Variants in CLYBL observed in about 807,000 individuals in gnomAD.
CLYBL encodes citramalyl-CoA lyase.
CLYBL carries 31 observed loss-of-function variants against 38.9 expected under a neutral mutation model. The observed-to-expected ratio is 0.80, with a 90% CI of 0.60 to 1.08. CLYBL has a LOEUF of 1.08. CLYBL is among the 50% of genes least tolerant of loss of function. The probability of loss-of-function intolerance (pLI) is 0.00; values close to 1 mark genes in which losing one functional copy is unlikely to be tolerated. For missense variants in CLYBL, 434 were observed against 411.6 expected (o/e 1.05, Z -0.47); for synonymous variants, 171 against 158.6 (o/e 1.08, Z -0.59).
chr13:99,652,389 C>G (rs1472474271), intron 1 of CLYBL, among the ~76,000 whole-genome samples: 3 of 152,126 alleles, frequency 2.0e-5, no homozygotes, highest in Non-Finnish European at 2.9e-5. Context: ...GCCAAGTGTT[C>G]TGAGCAAGCA....
intron 1 of CLYBL, among the ~76,000 whole-genome samples, chr13:99,662,011 A>C (rs2047415699): frequency 1.3e-5 from 2 of 152,204 alleles, no homozygotes; most frequent in Non-Finnish European, 2.9e-5. Context: ...CCGCAGCTGA[A>C]GGGAGGAGCT....
intron 1 of CLYBL, among the ~76,000 whole-genome samples, chr13:99,613,067 A>T (rs1415594674): frequency 1.3e-5 from 2 of 150,824 alleles, no homozygotes; most frequent in Non-Finnish European, 3.0e-5. Context: ...TAATAATAAC[A>T]AAATTCCCTC....
intron 3 of CLYBL, among the ~76,000 whole-genome samples, chr13:99,860,185 A>T (rs555737137): frequency 1.3e-5 from 2 of 152,336 alleles, no homozygotes; most frequent in South Asian, 4.1e-4. Flanking sequence ...CACTGAGGGG[A>T]CAAAAAGAGA....
intron 1 of CLYBL, among the ~76,000 whole-genome samples, chr13:99,629,351 G>A (rs561383202): frequency 6.6e-6 from 1 of 152,286 alleles, no homozygotes; most frequent in East Asian, 1.9e-4. Context: ...GTACAAATGC[G>A]TCTGTTGAAA....
chr13:99,771,755 T>A (rs542619705), intron 1 of CLYBL, among the ~76,000 whole-genome samples: 1 of 152,302 alleles, frequency 6.6e-6, no homozygotes, highest in East Asian at 1.9e-4. Flanking sequence ...CAGGGGCTAC[T>A]GACAGCTAGA....
chr13:99,635,562 G>A (rs1486308958), intron 1 of CLYBL, among the ~76,000 whole-genome samples: 1 of 152,142 alleles, frequency 6.6e-6, no homozygotes, highest in South Asian at 2.1e-4. Context: ...TCTTCACATA[G>A]CAAATCATTC....
intron 1 of CLYBL, among the ~76,000 whole-genome samples, chr13:99,614,685 T>C (rs1449658099): frequency 6.6e-6 from 1 of 152,110 alleles, no homozygotes; most frequent in Non-Finnish European, 1.5e-5. Context: ...CATACCGTTA[T>C]CCTGTGGTAG....
intron 7 of CLYBL, among the ~76,000 whole-genome samples, chr13:99,875,634 C>T (rs187024722): frequency 1.3e-5 from 2 of 152,316 alleles, no homozygotes; most frequent in East Asian, 1.9e-4. Flanking sequence ...CACTCTTTCA[C>T]GCAGATCAAA....
At chr13:99,878,977 C>G (rs1594241561) in intron 7 of CLYBL, among the ~76,000 whole-genome samples, 1 of 152,172 alleles carries the variant, frequency 6.6e-6, no homozygotes, top group African/African-American at 2.4e-5. Flanking sequence ...AAGCATGGCT[C>G]TGGTCCGTGG....
rs4772244 is a variant in CLYBL, at chr13:99,770,759, A to T, written c.63-2065A>T. 1.3e-4 allele frequency among the ~76,000 whole-genome samples: 20 copies of T among 151,712 alleles called. 1 individual carries two copies. The highest frequency in any genetic ancestry group is 1.3e-3 in the Admixed American group (20 of 15,248). On this transcript the variant is annotated intron_variant, in intron 1 of 8. Transcript: ENST00000339105. ...TTTTTTTGAGACAGAGTCTTGCTCT[A>T]TTGCCAGGCTGGAGTGCAGTGGTGC...
At chr13:99,829,976 C>T (rs1461321592) in intron 2 of CLYBL, among the ~76,000 whole-genome samples, 4 of 152,214 alleles carry the variant, frequency 2.6e-5, no homozygotes, top group East Asian at 3.9e-4. Flanking sequence ...TAATTCACAC[C>T]GGAGCAAGCT....
At chr13:99,876,069 C>CT (rs10625169) in intron 7 of CLYBL, among the ~76,000 whole-genome samples, 75,644 of 106,510 alleles carry the variant, frequency 0.71, 27,723 homozygotes, top group African/African-American at 0.76. Flanking sequence ...TTCTATTTCA[C>CT]TTTTTTTTTT....
intron 1 of CLYBL, among the ~76,000 whole-genome samples, chr13:99,623,889 G>A (rs1307335861): frequency 6.6e-6 from 1 of 150,796 alleles, no homozygotes; most frequent in African/African-American, 2.4e-5. Flanking sequence ...AACCTGGGAG[G>A]TGAAGGTTGC....
In CLYBL at chr13:99,764,536, C is replaced by T. The variant is rs184061913; in HGVS notation, c.63-8288C>T. On this transcript the variant is annotated intron_variant, in intron 1 of 8. Coordinates refer to ENST00000339105, the MANE Select transcript of CLYBL (RefSeq NM_206808.5). ...CCAGTTTTGTTGGCATGTAGTTGTT[C>T]ATAGTAGTCTCTAATGATTCTTTGT... Among the ~76,000 whole-genome samples, 3 of 152,196 alleles carry T rather than the reference C, an allele frequency of 2.0e-5. No homozygotes were observed. The East Asian group carries it at 5.8e-4, about 29-fold the overall frequency.
At chr13:99,766,326 C>T (rs56085222) in intron 1 of CLYBL, among the ~76,000 whole-genome samples, 68,982 of 151,984 alleles carry the variant, frequency 0.45, 15,713 homozygotes, top group Admixed American at 0.48. Flanking sequence ...AATTCTTCAG[C>T]TCTGCAAACA....
intron 1 of CLYBL, among the ~76,000 whole-genome samples, chr13:99,715,558 A>G (rs1032843250): frequency 6.6e-6 from 1 of 151,780 alleles, no homozygotes; most frequent in African/African-American, 2.4e-5. Context: ...GCATGCCACC[A>G]TGCCTGGGTA....
At chr13:99,899,055 G>A (rs1310508610), downstream of CLYBL, among the ~76,000 whole-genome samples, 1 of 152,226 alleles carries the variant, frequency 6.6e-6, no homozygotes, top group Non-Finnish European at 1.5e-5. Flanking sequence ...CGTGCAGACA[G>A]AAGAAGAAGC....
At chr13:99,819,962 A>G (rs1408065405) in intron 2 of CLYBL, among the ~76,000 whole-genome samples, 2 of 152,144 alleles carry the variant, frequency 1.3e-5, no homozygotes, top group Non-Finnish European at 1.5e-5. Context: ...TGACACATAA[A>G]ATTAACCATC....
intron 2 of CLYBL, among the ~76,000 whole-genome samples, chr13:99,784,915 G>C (rs1189263767): frequency 6.6e-6 from 1 of 152,032 alleles, no homozygotes; most frequent in Non-Finnish European, 1.5e-5. Context: ...TCCGAGACAA[G>C]AGTCTTACTC....
Sources: gnomAD v4.1 joint callset for allele counts (sites outside exome capture counted in the v4.1 genomes callset) on GRCh38, gnomAD v4.1.1 for gene constraint, MANE v1.5 for transcripts, NCBI Gene and HGNC (gene_info 2026-07-23, HGNC 2026-07-21) for gene names.